ZMYM2: variants seen among roughly 807,000 people sequenced by gnomAD.
ZMYM2 encodes the protein zinc finger MYM-type protein 2.
Under a neutral mutation model 162.8 loss-of-function variants are expected in ZMYM2, and 56 were observed. That is an observed-to-expected ratio of 0.34 (90% CI 0.28 to 0.43). The LOEUF (loss-of-function observed/expected upper bound fraction) is 0.43. ZMYM2 is among the 20% of genes least tolerant of loss of function. The pLI is 1.00. For synonymous variants in ZMYM2, 510 were observed against 541.6 expected, an observed-to-expected ratio of 0.94 and a Z score of 0.81; for missense variants, 1,275 against 1,621.8, an observed-to-expected ratio of 0.79 and a Z score of 3.67.
chr13:20,036,082 A>G (rs1047158900), intron 11 of ZMYM2, among the ~76,000 whole-genome samples: 12 of 152,136 alleles, frequency 7.9e-5, no homozygotes, highest in African/African-American at 2.9e-4. Context: ...AGTAGATAAC[A>G]TGTAAGTCAT....
At chr13:20,027,346 GC>G in intron 9 of ZMYM2, 28 bp downstream of exon 9, 1 of 1,480,034 alleles carries the variant, frequency 6.8e-7, no homozygotes, top group Non-Finnish European at 9.2e-7. Flanking sequence ...CATAACCCAT[GC>G]CCCCAATAAA....
chr13:20,083,862 A>AGATG, intron 24 of ZMYM2, 86 bp downstream of exon 24: 3 of 1,323,512 alleles, frequency 2.3e-6, no homozygotes, highest in Non-Finnish European at 3.1e-6. Flanking sequence ...TGACTTTTTT[A>AGATG]GATGGATTCT....
the ZMYM2 span, among the ~76,000 whole-genome samples, chr13:19,906,227 A>T: frequency 6.8e-6 from 1 of 146,198 alleles, no homozygotes; most frequent in African/African-American, 2.5e-5. Context: ...GGGAACAGAA[A>T]TCGCACCATT....
intron 2 of ZMYM2, among the ~76,000 whole-genome samples, chr13:19,985,082 T>C (rs757634717): frequency 3.9e-5 from 6 of 152,208 alleles, no homozygotes; most frequent in Admixed American, 2.0e-4. Context: ...TCAGGTACTT[T>C]CCTTATGACA....
intron 21 of ZMYM2, among the ~76,000 whole-genome samples, chr13:20,079,031 C>T (rs893581145): frequency 1.3e-4 from 19 of 150,904 alleles, no homozygotes; most frequent in African/African-American, 4.6e-4. Context: ...AAAAAAGATA[C>T]TTTTATTGGC....
chr13:19,911,257 C>A, the ZMYM2 span, among the ~76,000 whole-genome samples: 1 of 151,982 alleles, frequency 6.6e-6, no homozygotes. Context: ...TGAGATTTCA[C>A]CATGTTGGCC....
At chr13:19,955,548 T>G (rs1313809744), upstream of ZMYM2, among the ~76,000 whole-genome samples, 6 of 152,210 alleles carry the variant, frequency 3.9e-5, no homozygotes, top group African/African-American at 1.4e-4. Flanking sequence ...CAATTAACGG[T>G]GAGCTCTTGG....
chr13:19,942,539 C>CAAAAA, the ZMYM2 span, among the ~76,000 whole-genome samples: 1 of 57,310 alleles, frequency 1.7e-5, no homozygotes, highest in Non-Finnish European at 3.7e-5. Flanking sequence ...ACCGTCTCTA[C>CAAAAA]AAAAAAAAAA....
At chr13:19,997,967 ATACT>A (rs1222438791) in intron 3 of ZMYM2, among the ~76,000 whole-genome samples, 3 of 152,232 alleles carry the variant, frequency 2.0e-5, no homozygotes, top group African/African-American at 7.2e-5. Flanking sequence ...ACATCTTGGG[ATACT>A]TACTTCTTTA....
At chr13:19,910,619 G>A in the ZMYM2 span, among the ~76,000 whole-genome samples, 51 of 149,726 alleles carry the variant, frequency 3.4e-4, no homozygotes, top group African/African-American at 1.2e-3. Flanking sequence ...TCCTCCTCCC[G>A]GGCGTGAACC....
chr13:19,882,379 G>A, the ZMYM2 span, among the ~76,000 whole-genome samples: 3 of 152,148 alleles, frequency 2.0e-5, no homozygotes, highest in African/African-American at 7.2e-5. Flanking sequence ...GAATAGACAT[G>A]TCTCCAAAAC....
intron 2 of ZMYM2, among the ~76,000 whole-genome samples, chr13:19,979,370 T>C (rs1957092925): frequency 1.3e-5 from 2 of 151,986 alleles, no homozygotes; most frequent in Non-Finnish European, 2.9e-5. Flanking sequence ...CCAGTCTTTA[T>C]AGATCGCAGA....
chr13:19,889,742 C>T, the ZMYM2 span, among the ~76,000 whole-genome samples: 6 of 151,798 alleles, frequency 4.0e-5, no homozygotes, highest in Non-Finnish European at 8.8e-5. Flanking sequence ...GATTGCTGTA[C>T]CATCTAGTTT....
intron 21 of ZMYM2, among the ~76,000 whole-genome samples, chr13:20,074,183 CAT>C (rs1324722978): frequency 2.0e-5 from 3 of 147,290 alleles, no homozygotes; most frequent in African/African-American, 7.6e-5. Context: ...TGTTGTGTAG[CAT>C]ATGTCAGAAT....
chr13:19,988,371 CTT>C (rs1236800724), intron 2 of ZMYM2, among the ~76,000 whole-genome samples: 1 of 152,118 alleles, frequency 6.6e-6, no homozygotes, highest in Non-Finnish European at 1.5e-5. Flanking sequence ...TTAAAAATAA[CTT>C]TGATAGTTAA....
intron 2 of ZMYM2, among the ~76,000 whole-genome samples, chr13:19,965,754 G>A (rs542125487): frequency 8.8e-4 from 129 of 147,414 alleles, no homozygotes; most frequent in African/African-American, 3.1e-3. Flanking sequence ...TTCTGGCCCT[G>A]ATATGGTATC....
chr13:19,997,071 A>G (rs1267083904), intron 3 of ZMYM2, among the ~76,000 whole-genome samples: 3 of 152,296 alleles, frequency 2.0e-5, no homozygotes, highest in East Asian at 1.9e-4. Flanking sequence ...GATGACCACT[A>G]TCAATGCTTT....
chr13:19,980,184 AATTTTT>A (rs1464938199), intron 2 of ZMYM2, among the ~76,000 whole-genome samples: 1 of 151,982 alleles, frequency 6.6e-6, no homozygotes, highest in Non-Finnish European at 1.5e-5. Flanking sequence ...TGGCTCCCCA[AATTTTT>A]ATTTTTATGT....
the ZMYM2 span, among the ~76,000 whole-genome samples, chr13:19,869,341 T>C: frequency 1.4e-4 from 22 of 152,308 alleles, no homozygotes; most frequent in East Asian, 4.2e-3. Context: ...GTTCTATAAG[T>C]ATATGAAATA....
Sources: gnomAD v4.1 joint callset for allele counts (sites outside exome capture counted in the v4.1 genomes callset) on GRCh38, gnomAD v4.1.1 for gene constraint, MANE v1.5 for transcripts, NCBI Gene and HGNC (gene_info 2026-07-23, HGNC 2026-07-21) for gene names.